VPS13B: variants seen among roughly 807,000 people sequenced by gnomAD.
VPS13B encodes the protein intermembrane lipid transfer protein VPS13B.
In VPS13B, 285 loss-of-function variants were observed where a neutral mutation model predicts 426.4. The ratio of observed to expected loss-of-function variants is 0.67; its 90% CI spans 0.61 to 0.74. The LOEUF (loss-of-function observed/expected upper bound fraction) is 0.74, where lower values mean the gene tolerates loss of function less well. Ranked by LOEUF, VPS13B falls within the 30% of genes least tolerant of loss-of-function variation. The pLI is 0.00. For missense variants in VPS13B, 4,537 were observed against 4,782.6 expected, an observed-to-expected ratio of 0.95 and a Z score of 1.51; for synonymous variants, 1,676 against 1,676.4, an observed-to-expected ratio of 1.00 and a Z score of 0.01.
intron 3 of VPS13B, among the ~76,000 whole-genome samples, chr8:99,041,583 G>C (rs1842965820): frequency 6.6e-6 from 1 of 152,184 alleles, no homozygotes; most frequent in African/African-American, 2.4e-5. Flanking sequence ...GCTGGGCATG[G>C]TGGCTCACGC....
chr8:99,853,303 G>A (rs953639303), intron 55 of VPS13B, 148 bp from the exon 56 acceptor site: 4 of 763,094 alleles, frequency 5.2e-6, no homozygotes, highest in Non-Finnish European at 8.6e-6. Context: ...CAGACACAAT[G>A]TACTGAAAGT....
At chr8:99,068,268 T>C (rs1844652139) in intron 3 of VPS13B, among the ~76,000 whole-genome samples, 1 of 152,228 alleles carries the variant, frequency 6.6e-6, no homozygotes, top group South Asian at 2.1e-4. Context: ...CCCTAGCTGT[T>C]TTATAGATTT....
At chr8:99,718,903 C>T (rs1833025527) in intron 37 of VPS13B, among the ~76,000 whole-genome samples, 1 of 152,052 alleles carries the variant, frequency 6.6e-6, no homozygotes, top group South Asian at 2.1e-4. Context: ...AAGTGATCCT[C>T]CACCCATGCT....
chr8:99,703,858 C>G (rs1424173435), intron 36 of VPS13B, among the ~76,000 whole-genome samples: 3 of 152,090 alleles, frequency 2.0e-5, no homozygotes, highest in Non-Finnish European at 2.9e-5. Context: ...AACGAGCACA[C>G]AGTTGAGAGC....
intron 21 of VPS13B, among the ~76,000 whole-genome samples, chr8:99,393,826 C>T (rs1050078761): frequency 6.6e-6 from 1 of 152,002 alleles, no homozygotes; most frequent in Non-Finnish European, 1.5e-5. Flanking sequence ...TAAACATTTT[C>T]TTTACCTAGA....
chr8:99,845,695 G>C (rs1348247428), intron 54 of VPS13B, among the ~76,000 whole-genome samples: 1 of 152,178 alleles, frequency 6.6e-6, no homozygotes, highest in Non-Finnish European at 1.5e-5. Flanking sequence ...ATGGATACTG[G>C]GATGTACAAT....
chr8:99,269,794 G>C (rs528696474), intron 17 of VPS13B, among the ~76,000 whole-genome samples: 1 of 152,092 alleles, frequency 6.6e-6, no homozygotes, highest in South Asian at 2.1e-4. Context: ...GCTCACATTT[G>C]GGGCATTTTA....
intron 19 of VPS13B, among the ~76,000 whole-genome samples, chr8:99,299,290 T>C (rs1017460029): frequency 6.6e-6 from 1 of 151,904 alleles, no homozygotes; most frequent in African/African-American, 2.4e-5. Context: ...CTTGAACTCC[T>C]TACCTCAGGT....
At chr8:99,591,085 A>G (rs1826639124) in intron 33 of VPS13B, among the ~76,000 whole-genome samples, 1 of 148,104 alleles carries the variant, frequency 6.8e-6, no homozygotes, top group Non-Finnish European at 1.5e-5. Context: ...CTTTACCATT[A>G]TGTAATGGCC....
rs977126775 is a variant in VPS13B, at chr8:99,130,591, C to T, written c.1207-4041C>T. Among the ~76,000 whole-genome samples, 5 of 152,058 alleles carry T rather than the reference C, an allele frequency of 3.3e-5. No individual in the cohort carries two copies. The East Asian group carries it at 7.7e-4, about 24-fold the overall frequency. On this transcript the variant is annotated intron_variant, in intron 8 of 61. Transcript: ENST00000357162. The stretch of plus-strand genomic sequence containing the variant: ...TTTTTTAGTAGAGACAGGGTTTCAC[C>T]GTGTTAGCCAGGATGGTCTCGATCT...
intron 39 of VPS13B, among the ~76,000 whole-genome samples, chr8:99,753,838 C>T (rs1000737235): frequency 2.0e-5 from 3 of 152,038 alleles, no homozygotes; most frequent in Non-Finnish European, 2.9e-5. Flanking sequence ...GAGGGTTTTC[C>T]GGACAGGAAG....
intron 33 of VPS13B, among the ~76,000 whole-genome samples, chr8:99,591,450 T>C (rs1563813437): frequency 6.6e-6 from 1 of 152,150 alleles, no homozygotes; most frequent in Non-Finnish European, 1.5e-5. Flanking sequence ...ATAGCATCGA[T>C]GGTCTTTACT....
chr8:99,868,069 G>A (rs1392488756), intron 58 of VPS13B: 1 of 547,294 alleles, frequency 1.8e-6, no homozygotes, highest in Non-Finnish European at 3.2e-6. Context: ...TCCTGACTGT[G>A]TGGACCAAAC....
intron 17 of VPS13B, among the ~76,000 whole-genome samples, chr8:99,265,690 A>C (rs915755557): frequency 6.6e-6 from 1 of 152,146 alleles, no homozygotes; most frequent in Non-Finnish European, 1.5e-5. Context: ...AATTTTAGTC[A>C]TGCCTCATCT....
chr8:99,224,411 T>C (rs894216685), intron 17 of VPS13B, among the ~76,000 whole-genome samples: 1 of 152,218 alleles, frequency 6.6e-6, no homozygotes, highest in Admixed American at 6.5e-5. Context: ...GGAAATCTTA[T>C]AGTACTCTGA....
At chr8:99,835,784 T>C in intron 54 of VPS13B, 46 bp downstream of exon 54, 3 of 1,594,926 alleles carry the variant, frequency 1.9e-6, no homozygotes, top group Non-Finnish European at 2.6e-6. Context: ...AAAAATGCCC[T>C]TTTCTGAGGT....
chr8:99,624,007 A>ATTTT (rs1165382455), intron 33 of VPS13B, among the ~76,000 whole-genome samples: 18 of 101,104 alleles, frequency 1.8e-4, no homozygotes, highest in Non-Finnish European at 2.4e-4. Flanking sequence ...ATATATATAT[A>ATTTT]TTTTTTTTTT....
intron 30 of VPS13B, among the ~76,000 whole-genome samples, chr8:99,545,299 C>T (rs1472292382): frequency 2.6e-5 from 4 of 152,004 alleles, no homozygotes; most frequent in Non-Finnish European, 2.9e-5. Context: ...TCTCCTTGTA[C>T]GCACATGTAA....
chr8:99,642,309 G>A lies in VPS13B; in HGVS notation c.5719G>A (p.Ala1907Thr). 6.2e-7 allele frequency: 1 copy of A among 1,614,154 alleles called. No homozygotes were observed. The highest frequency in any genetic ancestry group is 1.1e-5 in the South Asian group (1 of 91,086). ...HASTRSSARQ[A>T]LGITIVRQPG... ...ATCCACAAGGTCATCTGCTAGACAA[G>A]CACTTGGTATAACTATTGTTCGGCA... Residue 1907 changes from alanine (A) to threonine (T), a missense_variant, in exon 34 of 62, where the codon GCA becomes ACA. Around this residue, in one of 2 missense-constraint regions of VPS13B, gnomAD observed 4,311 missense variants for 4,474.3 expected, o/e 0.96. Coordinates refer to ENST00000357162, the MANE Select transcript of VPS13B (RefSeq NM_152564.5).
Sources: allele counts gnomAD v4.1 joint callset (sites outside exome capture counted in the v4.1 genomes callset), GRCh38; gene constraint gnomAD v4.1.1; regional missense constraint gnomAD v4.1.1; transcripts MANE v1.5; gene names NCBI Gene and HGNC (gene_info 2026-07-23, HGNC 2026-07-21).